MARCHF1: variants seen among roughly 807,000 people sequenced by gnomAD.
MARCHF1 encodes membrane associated ring-CH-type finger 1.
In MARCHF1, 40 loss-of-function variants were observed where a neutral mutation model predicts 54.2. The observed-to-expected ratio is 0.74, with a 90% CI of 0.57 to 0.96. MARCHF1 has a LOEUF of 0.96. Ranked by LOEUF, MARCHF1 falls within the 40% of genes least tolerant of loss-of-function variation. The probability of loss-of-function intolerance (pLI) is 0.00; values close to 1 mark genes in which losing one functional copy is unlikely to be tolerated. For missense variants in MARCHF1, 586 were observed against 656.5 expected, an observed-to-expected ratio of 0.89 and a Z score of 1.17; for synonymous variants, 236 against 236.3, an observed-to-expected ratio of 1.00 and a Z score of 0.01.
rs1304528672 is a variant in MARCHF1, at chr4:163,596,542, A to C, written c.1011-10613T>G. 1.4e-4 allele frequency among the ~76,000 whole-genome samples: 7 copies of C among 49,422 alleles called. No individual in the cohort carries two copies. In the South Asian group the frequency reaches 3.6e-3, roughly 25 times the overall value. The allele number at this position is 49,422 out of a possible 152,430, so 32.4% of individuals were successfully genotyped here. A position where few individuals can be genotyped will look rare whatever the true frequency, so the allele number is the denominator to read the frequency against. ...GCGACAGTGTGAGGCTGTCTCAAAAAAAAAAAAAAAAAAAAAAAAAAGAAT... is the reference window on the plus strand; with the variant it reads ...GCGACAGTGTGAGGCTGTCTCAAAACAAAAAAAAAAAAAAAAAAAAAGAAT... On this transcript the variant is annotated intron_variant, in intron 7 of 9. Transcript: ENST00000514618.
At chr4:164,000,549 T>C (rs1412023209) in intron 2 of MARCHF1, among the ~76,000 whole-genome samples, 1 of 151,706 alleles carries the variant, frequency 6.6e-6, no homozygotes, top group African/African-American at 2.4e-5. Context: ...TTAAGATACT[T>C]AAAAAGAATA....
intron 5 of MARCHF1, among the ~76,000 whole-genome samples, chr4:163,679,892 G>T (rs867100785): frequency 6.6e-6 from 1 of 151,836 alleles, no homozygotes; most frequent in Admixed American, 6.6e-5. Context: ...GAGCCACCGC[G>T]CCCGGCCTTT....
intron 4 of MARCHF1, among the ~76,000 whole-genome samples, chr4:163,794,663 C>A (rs189402452): frequency 1.3e-4 from 20 of 152,206 alleles, no homozygotes; most frequent in Admixed American, 1.2e-3. Flanking sequence ...CCATGTATTA[C>A]ATCTTATGTT....
At chr4:163,954,854 G>T (rs1028040594) in intron 3 of MARCHF1, among the ~76,000 whole-genome samples, 21 of 152,112 alleles carry the variant, frequency 1.4e-4, no homozygotes, top group African/African-American at 5.1e-4. Context: ...TTTGCCCCTT[G>T]CACCTTGTAT....
chr4:164,050,543 A>G (rs1056129469), intron 2 of MARCHF1, among the ~76,000 whole-genome samples: 1 of 152,128 alleles, frequency 6.6e-6, no homozygotes, highest in Non-Finnish European at 1.5e-5. Context: ...TTACTAGAAC[A>G]GTCCTCTAAC....
At chr4:164,340,621 C>G (rs555967311) in intron 1 of MARCHF1, among the ~76,000 whole-genome samples, 4 of 151,342 alleles carry the variant, frequency 2.6e-5, no homozygotes, top group Non-Finnish European at 5.9e-5. Flanking sequence ...CAGGGTTTCA[C>G]CACATTGGCC....
intron 9 of MARCHF1, among the ~76,000 whole-genome samples, chr4:163,534,191 T>C (rs1345699817): frequency 6.6e-6 from 1 of 151,986 alleles, no homozygotes; most frequent in Non-Finnish European, 1.5e-5. Context: ...TGTCATGAGG[T>C]TGGCAAACAC....
At chr4:164,141,730 T>C (rs2110862582) in intron 1 of MARCHF1, among the ~76,000 whole-genome samples, 1 of 152,308 alleles carries the variant, frequency 6.6e-6, no homozygotes, top group South Asian at 2.1e-4. Flanking sequence ...ATCACCTTTA[T>C]AAATAACCCT....
intron 2 of MARCHF1, among the ~76,000 whole-genome samples, chr4:164,015,887 G>C (rs1753528921): frequency 6.8e-6 from 1 of 147,630 alleles, no homozygotes; most frequent in African/African-American, 2.5e-5. Context: ...ATGGAAAACA[G>C]TATAAGTTTC....
chr4:164,220,618 T>TGCATATATGTAATATGTATGCTATATAC (rs1732075395), intron 1 of MARCHF1, among the ~76,000 whole-genome samples: 1 of 146,010 alleles, frequency 6.8e-6, no homozygotes, highest in South Asian at 2.1e-4. Flanking sequence ...ATGCTATATA[T>TGCATATATGTAATATGTATGCTATATAC]GCATATATGT....
chr4:164,184,784 T>A (rs1730924691), intron 1 of MARCHF1, among the ~76,000 whole-genome samples: 2 of 152,196 alleles, frequency 1.3e-5, no homozygotes, highest in Non-Finnish European at 2.9e-5. Flanking sequence ...CAGCTAGCCA[T>A]AATGCCTAAA....
At chr4:163,791,450 T>G (rs1001358940) in intron 4 of MARCHF1, among the ~76,000 whole-genome samples, 3 of 152,160 alleles carry the variant, frequency 2.0e-5, no homozygotes, top group Non-Finnish European at 2.9e-5. Flanking sequence ...CTCTGCATAT[T>G]ATACATATTC....
intron 4 of MARCHF1, among the ~76,000 whole-genome samples, chr4:163,839,362 A>T (rs1322649442): frequency 6.6e-6 from 1 of 152,062 alleles, no homozygotes; most frequent in African/African-American, 2.4e-5. Flanking sequence ...TTACACTCCT[A>T]AGCATCTAAC....
intron 1 of MARCHF1, among the ~76,000 whole-genome samples, chr4:164,208,192 A>G (rs1459178663): frequency 6.6e-6 from 1 of 152,118 alleles, no homozygotes; most frequent in African/African-American, 2.4e-5. Flanking sequence ...AGAGGCAGGG[A>G]GGGGCCCAGG....
Position 164,360,467 on chromosome 4 carries a change from A to T in MARCHF1, c.-323+23403T>A, listed in dbSNP as rs368590709. Among the ~76,000 whole-genome samples the T allele has an allele frequency of 7.0e-4, 106 of 152,230 alleles. 1 individual carries two copies. Among genetic ancestry groups the T allele is most frequent in the African/African-American group, 2.4e-3 (101 of 41,572 alleles). The stretch of plus-strand genomic sequence containing the variant: ...TGGGAGAAAACTAAGACAATAAAAA[A>T]CAATTCCTACTGCATGGTGATGGTA... On this transcript the variant is annotated intron_variant, in intron 1 of 9. Coordinates refer to ENST00000514618, the MANE Select transcript of MARCHF1 (RefSeq NM_001394959.1).
At chr4:164,332,767 A>G (rs946386652) in intron 1 of MARCHF1, among the ~76,000 whole-genome samples, 3 of 152,192 alleles carry the variant, frequency 2.0e-5, no homozygotes, top group African/African-American at 7.2e-5. Flanking sequence ...CAGCAACATA[A>G]GATTATAATT....
At chr4:164,110,632 C>T (rs1755814238) in intron 2 of MARCHF1, among the ~76,000 whole-genome samples, 3 of 150,764 alleles carry the variant, frequency 2.0e-5, no homozygotes, top group South Asian at 2.1e-4. Context: ...TTCATCTAGT[C>T]GATCCCTCCA....
At chr4:163,939,935 T>C (rs1281460516) in intron 3 of MARCHF1, among the ~76,000 whole-genome samples, 7 of 152,186 alleles carry the variant, frequency 4.6e-5, no homozygotes, top group Admixed American at 6.5e-5. Context: ...CTCTCCAGAA[T>C]TGATATGTTG....
chr4:163,636,016 C>G (rs1742305563), intron 5 of MARCHF1, among the ~76,000 whole-genome samples: 1 of 152,102 alleles, frequency 6.6e-6, no homozygotes, highest in African/African-American at 2.4e-5. Context: ...TCAATAGATG[C>G]AGAAAAGGCC....
Sources: allele counts gnomAD v4.1 joint callset (sites outside exome capture counted in the v4.1 genomes callset), GRCh38; gene constraint gnomAD v4.1.1; transcripts MANE v1.5; gene names NCBI Gene and HGNC (gene_info 2026-07-23, HGNC 2026-07-21).